The following RGS10 variants were observed in gnomAD, a reference collection of about 807,000 sequenced individuals.
RGS10 encodes the protein regulator of G-protein signalling 10.
RGS10 carries 11 observed loss-of-function variants against 23.5 expected under a neutral mutation model. That is an observed-to-expected ratio of 0.47 (90% CI 0.29 to 0.77). The LOEUF (loss-of-function observed/expected upper bound fraction) is 0.77, where lower values mean the gene tolerates loss of function less well. RGS10 is among the 30% of genes least tolerant of loss of function. The probability of loss-of-function intolerance (pLI) is 0.08; values close to 1 mark genes in which losing one functional copy is unlikely to be tolerated. For missense variants in RGS10, 180 were observed against 226.3 expected (o/e 0.80, Z 1.31); for synonymous variants, 77 against 83.2 (o/e 0.92, Z 0.41).
Position 119,538,170 on chromosome 10 carries a change from G to A in RGS10, c.49+4420C>T, listed in dbSNP as rs889267737. On this transcript the variant is annotated intron_variant, in intron 1 of 4. Coordinates refer to ENST00000369103, the MANE Select transcript of RGS10 (RefSeq NM_001005339.2). The surrounding 1 kb of genome is among the most constrained non-coding windows in gnomAD (Gnocchi z 4.5). ...GAAGGAAGGGAGGGAGGGAGTGGAG[G>A]AGAGAGGGATGGAGGAAGGGAGGAA... Among the ~76,000 whole-genome samples, 3 of 152,134 alleles carry A rather than the reference G, an allele frequency of 2.0e-5. No homozygotes were observed. Among genetic ancestry groups the A allele is most frequent in the African/African-American group, 4.8e-5 (2 of 41,422 alleles).
chr10:119,523,781 C>T (rs531424375), intron 3 of RGS10, among the ~76,000 whole-genome samples: 19 of 152,332 alleles, frequency 1.2e-4, no homozygotes, highest in Admixed American at 3.3e-4. Flanking sequence ...AACACCAGAC[C>T]TGCCTGACCT....
At chr10:119,523,594 G>A (rs1844242445) in intron 3 of RGS10, among the ~76,000 whole-genome samples, 2 of 152,192 alleles carry the variant, frequency 1.3e-5, no homozygotes, top group Admixed American at 6.5e-5. Flanking sequence ...GAACCCAGGA[G>A]GCGGAGGCTG....
At chr10:119,507,248 C>T (rs1844024280) in intron 4 of RGS10, among the ~76,000 whole-genome samples, 1 of 152,142 alleles carries the variant, frequency 6.6e-6, no homozygotes, top group African/African-American at 2.4e-5. Flanking sequence ...AAGTCCCTGG[C>T]TCTGGCCACC....
At chr10:119,509,625 G>C (rs1160728823) in intron 4 of RGS10, among the ~76,000 whole-genome samples, 1 of 151,990 alleles carries the variant, frequency 6.6e-6, no homozygotes, top group Non-Finnish European at 1.5e-5. Flanking sequence ...AAAGAAGTTG[G>C]GGTAGGGGCA....
At chr10:119,504,583 G>A (rs543604285) in intron 4 of RGS10, among the ~76,000 whole-genome samples, 40 of 152,182 alleles carry the variant, frequency 2.6e-4, no homozygotes, top group Non-Finnish European at 4.4e-4. Context: ...CATTCACCTC[G>A]AATCTCAGAA....
chr10:119,516,077 C>A (rs1791530839), intron 3 of RGS10, among the ~76,000 whole-genome samples: 1 of 152,034 alleles, frequency 6.6e-6, no homozygotes, highest in Non-Finnish European at 1.5e-5. Context: ...CATGGTGAAA[C>A]CCCATCTCTA....
At chr10:119,536,363 C>T (rs1197610059) in intron 1 of RGS10, 1 of 1,082,538 alleles carries the variant, frequency 9.2e-7, no homozygotes, top group Non-Finnish European at 1.4e-6. Flanking sequence ...ACCTGTGCAC[C>T]TCTGTGTCCT....
At chr10:119,526,858 A>T (rs1309883241) in intron 2 of RGS10, among the ~76,000 whole-genome samples, 2 of 151,890 alleles carry the variant, frequency 1.3e-5, no homozygotes, top group Non-Finnish European at 2.9e-5. Context: ...GATGGGATCA[A>T]CAGTTCCCCA....
chr10:119,501,157 A>G lies in RGS10; in HGVS notation c.400-898T>C, dbSNP rs923370798. Among the ~76,000 whole-genome samples, 7 of 152,330 alleles carry G rather than the reference A, an allele frequency of 4.6e-5. No homozygotes were observed. In the East Asian group the frequency reaches 1.2e-3, roughly 25 times the overall value. On this transcript the variant is annotated intron_variant, in intron 4 of 4. Coordinates refer to ENST00000369103, the MANE Select transcript of RGS10 (RefSeq NM_001005339.2). The stretch of plus-strand genomic sequence containing the variant: ...TGCCCCAGGAAAGGGGCAGAGAAAG[A>G]GAAGCACAAAGCCTTTTCCAGCTGT...
intron 1 of RGS10, among the ~76,000 whole-genome samples, chr10:119,534,945 C>T (rs540686105): frequency 1.3e-5 from 2 of 152,044 alleles, no homozygotes; most frequent in African/African-American, 4.8e-5. Flanking sequence ...TGCTGGGTAC[C>T]GTTCCAAGCT....
intron 1 of RGS10, among the ~76,000 whole-genome samples, chr10:119,540,799 A>C (rs989186048): frequency 6.6e-6 from 1 of 152,230 alleles, no homozygotes; most frequent in Non-Finnish European, 1.5e-5. Context: ...TATTTATAAC[A>C]GGCAAAAGGG....
At chr10:119,509,338 C>T (rs974330318) in intron 4 of RGS10, among the ~76,000 whole-genome samples, 1 of 152,006 alleles carries the variant, frequency 6.6e-6, no homozygotes, top group African/African-American at 2.4e-5. Context: ...CCTCCAATCC[C>T]AACACTTTGG....
intron 1 of RGS10, among the ~76,000 whole-genome samples, chr10:119,529,172 G>A (rs1844308394): frequency 6.6e-6 from 1 of 152,124 alleles, no homozygotes; most frequent in African/African-American, 2.4e-5. Flanking sequence ...CCAGTTTCTG[G>A]CCGGGCACGG....
chr10:119,516,017 C>A (rs372559980), intron 3 of RGS10, among the ~76,000 whole-genome samples: 2 of 152,134 alleles, frequency 1.3e-5, no homozygotes, highest in Non-Finnish European at 2.9e-5. Context: ...TTTGGGAAGC[C>A]GAGGCAGATT....
chr10:119,500,539 C>T (rs1843941075), intron 4 of RGS10, among the ~76,000 whole-genome samples: 1 of 151,656 alleles, frequency 6.6e-6, no homozygotes, highest in Non-Finnish European at 1.5e-5. Flanking sequence ...TGATTCAGAC[C>T]CTTGTACCAA....
chr10:119,519,524 A>C (rs1394237440), intron 3 of RGS10, among the ~76,000 whole-genome samples: 1 of 69,066 alleles, frequency 1.4e-5, no homozygotes, highest in Non-Finnish European at 2.7e-5. Context: ...TCTGTCCCCC[A>C]GCTCCTGTCT....
chr10:119,499,967 G>T lies in RGS10; in HGVS notation c.*146C>A. Reference sequence around the variant, plus strand: ...CTTAGCCATCATGCAAAATTTACTGGTGAAGCAGTTAATAAAACACACATC... The same window carrying T: ...CTTAGCCATCATGCAAAATTTACTGTTGAAGCAGTTAATAAAACACACATC... On this transcript the variant is annotated 3_prime_UTR_variant, in exon 5 of 5. Transcript: ENST00000369103. 3 of 682,052 alleles carry T rather than the reference G, an allele frequency of 4.4e-6. No homozygotes were observed. The highest frequency in any genetic ancestry group is 3.3e-5 in the Admixed American group (1 of 30,574). 42.3% of individuals were successfully genotyped at this position (682,052 alleles called of 1,614,324 possible).
intron 3 of RGS10, among the ~76,000 whole-genome samples, chr10:119,522,968 C>T (rs1844235828): frequency 6.6e-6 from 1 of 151,340 alleles, no homozygotes; most frequent in Non-Finnish European, 1.5e-5. Flanking sequence ...GCCTTGACCT[C>T]CCTGGGCAAC....
intron 2 of RGS10, among the ~76,000 whole-genome samples, chr10:119,526,817 G>A (rs911872239): frequency 3.3e-5 from 5 of 151,780 alleles, no homozygotes; most frequent in African/African-American, 4.8e-5. Flanking sequence ...CTGGCACCGG[G>A]GGCTTCTGCT....
Sources: allele counts gnomAD v4.1 joint callset (sites outside exome capture counted in the v4.1 genomes callset), GRCh38; gene constraint gnomAD v4.1.1; non-coding constraint Gnocchi (gnomAD v3.1); transcripts MANE v1.5; gene names NCBI Gene and HGNC (gene_info 2026-07-23, HGNC 2026-07-21).